Variants in MPPED1 observed in about 807,000 individuals in gnomAD.
MPPED1 encodes the protein metallophosphoesterase domain containing 1.
In MPPED1, 16 loss-of-function variants were observed where a neutral mutation model predicts 36.2. The observed-to-expected ratio is 0.44, with a 90% CI of 0.30 to 0.67. MPPED1 has a LOEUF of 0.67. MPPED1 is among the 30% of genes least tolerant of loss of function. The probability of loss-of-function intolerance (pLI) is 0.10; values close to 1 mark genes in which losing one functional copy is unlikely to be tolerated. For missense variants in MPPED1, 307 were observed against 453.4 expected, an observed-to-expected ratio of 0.68 and a Z score of 2.93; for synonymous variants, 199 against 191.3, an observed-to-expected ratio of 1.04 and a Z score of -0.33.
At chr22:43,427,110 C>T (rs775842011) in intron 2 of MPPED1, among the ~76,000 whole-genome samples, 1 of 152,202 alleles carries the variant, frequency 6.6e-6, no homozygotes, top group Non-Finnish European at 1.5e-5. Context: ...CAAGGCCTCC[C>T]AGGGCAGGTG....
intron 1 of MPPED1, among the ~76,000 whole-genome samples, chr22:43,424,045 C>T (rs1929369093): frequency 6.6e-6 from 1 of 152,136 alleles, no homozygotes; most frequent in South Asian, 2.1e-4. Context: ...TACACTGACC[C>T]CAAGGTGGGG....
At position 43,431,021 on chromosome 22, in the gene MPPED1, A is replaced by ATTTTTTTT. The variant is rs135076; in HGVS notation, c.225-3981_225-3974dup. On this transcript the variant is annotated intron_variant, in intron 2 of 6. Coordinates refer to ENST00000443721, the MANE Select transcript of MPPED1 (RefSeq NM_001044370.2). The stretch of plus-strand genomic sequence containing the variant: ...CTGTCTCTTTCTACTGTTGTTGTTA[A>ATTTTTTTT]TTTTTTTTTTTTTTTTTTTTTTTTT... Among the ~76,000 whole-genome samples, 29 of 42,302 alleles carry ATTTTTTTT rather than the reference A, an allele frequency of 6.9e-4. 1 individual carries two copies. The highest frequency in any genetic ancestry group is 1.6e-3 in the African/African-American group (25 of 15,276). 27.8% of individuals were successfully genotyped at this position (42,302 alleles called of 152,430 possible).
Position 43,505,688 on chromosome 22 carries a change from A to C in MPPED1, c.*72A>C. On this transcript the variant is annotated 3_prime_UTR_variant, in exon 7 of 7. Transcript: ENST00000443721. ...GCCTGGCCCGGCCACTGTTCCTTCC[A>C]TGCTGAGTTGCCTGGACGACCCATC... 1 of 1,388,342 alleles carries C rather than the reference A, an allele frequency of 7.2e-7. No homozygotes were observed. The highest frequency in any genetic ancestry group is 1.0e-6 in the Non-Finnish European group (1 of 1,004,792). The allele number at this position is 1,388,342 out of a possible 1,614,324, so 86.0% of individuals were successfully genotyped here.
Position 43,445,066 on chromosome 22 carries a change from A to C in MPPED1, c.406+9851A>C, listed in dbSNP as rs544676565. Among the ~76,000 whole-genome samples, 10 of 152,208 alleles carry C rather than the reference A, an allele frequency of 6.6e-5. No individual in the cohort carries two copies. In the South Asian group the frequency reaches 1.9e-3, roughly 28 times the overall value. On this transcript the variant is annotated intron_variant, in intron 3 of 6. Coordinates refer to ENST00000443721, the MANE Select transcript of MPPED1 (RefSeq NM_001044370.2). The stretch of plus-strand genomic sequence containing the variant: ...CCTGGGGGCCAAAGTGAAGAAGGTA[A>C]TTTGATTAATGGCCCTGATTATTGG...
Position 43,447,883 on chromosome 22 carries a change from A to ATATATT in MPPED1, c.406+12669_406+12670insATATTT, listed in dbSNP as rs1321289636. Among the ~76,000 whole-genome samples the ATATATT allele has an allele frequency of 9.9e-3, 667 of 67,708 alleles. 14 individuals carry two copies. Among genetic ancestry groups the ATATATT allele is most frequent in the Non-Finnish European group, 0.014 (525 of 38,018 alleles). 44.4% of individuals were successfully genotyped at this position (67,708 alleles called of 152,430 possible). On this transcript the variant is annotated intron_variant, in intron 3 of 6. Coordinates refer to ENST00000443721, the MANE Select transcript of MPPED1 (RefSeq NM_001044370.2). ...ATTATATATATATATATATATATAT[A>ATATATT]TTTTTTTTTTTTTTAGACAAAGTCT...
intron 3 of MPPED1, among the ~76,000 whole-genome samples, chr22:43,460,958 G>T (rs550818249): frequency 6.6e-6 from 1 of 152,120 alleles, no homozygotes; most frequent in Non-Finnish European, 1.5e-5. Context: ...GCCCTAACTG[G>T]TATGGCCTCC....
chr22:43,463,852 T>TTTC (rs1569078076), intron 3 of MPPED1, among the ~76,000 whole-genome samples: 1 of 148,988 alleles, frequency 6.7e-6, no homozygotes, highest in Non-Finnish European at 1.5e-5. Context: ...TCTTTCTTTC[T>TTTC]TTCTTTCTTT....
At chr22:43,447,490 C>T (rs563830569) in intron 3 of MPPED1, among the ~76,000 whole-genome samples, 14 of 152,182 alleles carry the variant, frequency 9.2e-5, no homozygotes, top group Admixed American at 9.2e-4. Flanking sequence ...TCTATGCAAC[C>T]TGCCCCTGCC....
intron 3 of MPPED1, among the ~76,000 whole-genome samples, chr22:43,436,359 G>C (rs143850428): frequency 3.0e-4 from 46 of 152,344 alleles, no homozygotes; most frequent in Middle Eastern, 3.4e-3. Flanking sequence ...CCGCTGTGCA[G>C]TTGGCTGGGA....
At chr22:43,456,760 T>C (rs887957910) in intron 3 of MPPED1, among the ~76,000 whole-genome samples, 3 of 152,298 alleles carry the variant, frequency 2.0e-5, no homozygotes, top group East Asian at 3.9e-4. Flanking sequence ...CCTCCCAAAG[T>C]GCTGGGATTA....
intron 3 of MPPED1, among the ~76,000 whole-genome samples, chr22:43,464,291 CTGTGTGTGTG>C (rs60119589): frequency 0.059 from 8,513 of 143,868 alleles, 289 homozygotes; most frequent in Non-Finnish European, 0.068. Flanking sequence ...TTGGTCAGCT[CTGTGTGTGTG>C]TGTGTGTGTG....
At chr22:43,436,210 C>T (rs1178432042) in intron 3 of MPPED1, among the ~76,000 whole-genome samples, 4 of 152,344 alleles carry the variant, frequency 2.6e-5, no homozygotes, top group East Asian at 3.9e-4. Flanking sequence ...TGTCCCCACC[C>T]GGGGAAGACA....
chr22:43,442,452 T>G (rs929727779), intron 3 of MPPED1, among the ~76,000 whole-genome samples: 1 of 152,086 alleles, frequency 6.6e-6, no homozygotes, highest in African/African-American at 2.4e-5. Context: ...GTGTGCTGGG[T>G]GGGCATCCCC....
At chr22:43,425,702 G>A (rs1241261901) in intron 2 of MPPED1, among the ~76,000 whole-genome samples, 1 of 152,258 alleles carries the variant, frequency 6.6e-6, no homozygotes, top group Admixed American at 6.5e-5. Context: ...CCCATGGCAG[G>A]TTAGGACACC....
chr22:43,469,806 T>C (rs989183484), intron 3 of MPPED1, among the ~76,000 whole-genome samples: 2 of 152,188 alleles, frequency 1.3e-5, no homozygotes, highest in African/African-American at 4.8e-5. Flanking sequence ...TAAGGATGGA[T>C]TGATTGATAA....
intron 3 of MPPED1, among the ~76,000 whole-genome samples, chr22:43,471,727 T>C (rs1158909190): frequency 1.3e-5 from 2 of 152,164 alleles, no homozygotes; most frequent in Non-Finnish European, 2.9e-5. Flanking sequence ...GGTCGCACTG[T>C]GGGGCTGTGG....
At position 43,502,007 on chromosome 22, in the gene MPPED1, T is replaced by C. The variant is rs1019778620; in HGVS notation, c.749-637T>C. ...ATGAACCCTAATTGTTTGCTTGGAGTAATCAATTATTCTCCGTTTGTGTAG... is the reference window on the plus strand; with the variant it reads ...ATGAACCCTAATTGTTTGCTTGGAGCAATCAATTATTCTCCGTTTGTGTAG... On this transcript the variant is annotated intron_variant, in intron 5 of 6. Coordinates refer to ENST00000443721, the MANE Select transcript of MPPED1 (RefSeq NM_001044370.2). The surrounding 1 kb of genome is among the most constrained non-coding windows in gnomAD (Gnocchi z 5.5). 2.0e-5 allele frequency among the ~76,000 whole-genome samples: 3 copies of C among 151,876 alleles called. No individual in the cohort carries two copies. The highest frequency in any genetic ancestry group is 7.3e-5 in the African/African-American group (3 of 41,318).
At chr22:43,440,836 C>T (rs135060) in intron 3 of MPPED1, among the ~76,000 whole-genome samples, 1,769 of 152,296 alleles carry the variant, frequency 0.012, 14 homozygotes, top group Middle Eastern at 0.041. Flanking sequence ...AGCTCTGCGG[C>T]GCCTGATGCT....
chr22:43,461,513 G>A (rs1412151491), intron 3 of MPPED1, among the ~76,000 whole-genome samples: 1 of 152,190 alleles, frequency 6.6e-6, no homozygotes, highest in African/African-American at 2.4e-5. Context: ...TGACTTTGTG[G>A]AGGACCGTGT....
Sources: allele counts gnomAD v4.1 joint callset (sites outside exome capture counted in the v4.1 genomes callset), GRCh38; gene constraint gnomAD v4.1.1; non-coding constraint Gnocchi (gnomAD v3.1); transcripts MANE v1.5; gene names NCBI Gene and HGNC (gene_info 2026-07-23, HGNC 2026-07-21).